Variants in TNRC6B observed in about 807,000 individuals in gnomAD.
TNRC6B encodes trinucleotide repeat-containing gene 6B protein.
A neutral mutation model predicts 203.6 loss-of-function variants in TNRC6B; 52 were observed. That is an observed-to-expected ratio of 0.26 (90% CI 0.20 to 0.32). The LOEUF (loss-of-function observed/expected upper bound fraction) is 0.32, where lower values mean the gene tolerates loss of function less well. Among genes scored for constraint, TNRC6B ranks in the 10% least tolerant of loss-of-function variants. TNRC6B has a pLI of 1.00. For synonymous variants in TNRC6B, 838 were observed against 845.7 expected (o/e 0.99, Z 0.16); for missense variants, 1,923 against 2,286.2 (o/e 0.84, Z 3.24).
intron 1 of TNRC6B, among the ~76,000 whole-genome samples, chr22:40,192,720 G>A (rs1382745309): frequency 2.0e-5 from 3 of 152,218 alleles, no homozygotes; most frequent in African/African-American, 7.2e-5. Flanking sequence ...GCCCCAGGCT[G>A]GGGGAAGGGA....
chr22:40,219,987 A>G (rs1015438073), intron 1 of TNRC6B, among the ~76,000 whole-genome samples: 1 of 152,158 alleles, frequency 6.6e-6, no homozygotes, highest in African/African-American at 2.4e-5. Context: ...TGGGGGAAAA[A>G]CGGGTTTTAT....
In TNRC6B at chr22:40,170,966, T is replaced by C. The variant is rs568399683; in HGVS notation, c.113+14784T>C. Among the ~76,000 whole-genome samples the C allele has an allele frequency of 1.2e-4, 17 of 147,174 alleles. No homozygotes were observed. In the East Asian group the frequency reaches 3.4e-3, roughly 29 times the overall value. ...ACATATAGGTGTATATATACACACA[T>C]ATACCTGTATATGTACATATATGTG... On this transcript the variant is annotated intron_variant, in intron 4 of 23. Transcript: ENST00000301923.
chr22:40,074,651 C>T (rs571237973), intron 1 of TNRC6B, among the ~76,000 whole-genome samples: 4 of 151,538 alleles, frequency 2.6e-5, no homozygotes, highest in East Asian at 1.9e-4. Context: ...TGGTGGTGGG[C>T]GCCTATAGTC....
At chr22:40,176,115 T>C (rs1448081179), upstream of TNRC6B, among the ~76,000 whole-genome samples, 2 of 150,892 alleles carry the variant, frequency 1.3e-5, no homozygotes, top group Admixed American at 1.3e-4. Context: ...CAGGGCATTC[T>C]CATGCACTTT....
intron 1 of TNRC6B, among the ~76,000 whole-genome samples, chr22:40,079,924 T>C (rs961912497): frequency 4.6e-5 from 7 of 152,086 alleles, no homozygotes; most frequent in Non-Finnish European, 8.8e-5. Context: ...GCCTCCTGAG[T>C]AGCTAGGACT....
intron 1 of TNRC6B, among the ~76,000 whole-genome samples, chr22:40,103,667 G>T (rs1298561215): frequency 6.6e-6 from 1 of 151,806 alleles, no homozygotes; most frequent in African/African-American, 2.4e-5. Context: ...TTTTGAGGTG[G>T]AGTCTCACTT....
chr22:40,260,473 A>G (rs550586797), intron 3 of TNRC6B, among the ~76,000 whole-genome samples: 7 of 152,310 alleles, frequency 4.6e-5, no homozygotes, highest in African/African-American at 1.7e-4. Context: ...ATAGAGAGAG[A>G]TGGGACTTGT....
At chr22:40,070,431 C>T (rs1239066454) in intron 1 of TNRC6B, among the ~76,000 whole-genome samples, 2 of 152,118 alleles carry the variant, frequency 1.3e-5, no homozygotes, top group Non-Finnish European at 2.9e-5. Flanking sequence ...AAGGGTGAAG[C>T]TCGTTGACAG....
At chr22:40,126,854 G>A (rs2068498430) in intron 3 of TNRC6B, among the ~76,000 whole-genome samples, 1 of 151,126 alleles carries the variant, frequency 6.6e-6, no homozygotes, top group Non-Finnish European at 1.5e-5. Context: ...GTCTTCCAAA[G>A]TACTGGGATT....
At chr22:40,213,589 G>A (rs2069593108) in intron 1 of TNRC6B, among the ~76,000 whole-genome samples, 1 of 152,292 alleles carries the variant, frequency 6.6e-6, no homozygotes. Flanking sequence ...ATGTATCAGA[G>A]GGTGGCAGAA....
intron 1 of TNRC6B, among the ~76,000 whole-genome samples, chr22:40,189,911 T>A (rs902742435): frequency 2.6e-5 from 4 of 152,024 alleles, no homozygotes; most frequent in Non-Finnish European, 4.4e-5. Context: ...GAAAAAAAAA[T>A]TTTAACAAAA....
At chr22:40,259,310 C>T (rs893654186) in intron 3 of TNRC6B, among the ~76,000 whole-genome samples, 5 of 152,150 alleles carry the variant, frequency 3.3e-5, no homozygotes, top group Non-Finnish European at 5.9e-5. Flanking sequence ...CTGCAACCCC[C>T]GCTTCCCAGG....
At chr22:40,056,955 A>ATAT (rs1186370171) in intron 1 of TNRC6B, among the ~76,000 whole-genome samples, 2 of 152,194 alleles carry the variant, frequency 1.3e-5, no homozygotes, top group Non-Finnish European at 2.9e-5. Flanking sequence ...CAGGTAGACT[A>ATAT]TATTCATTGG....
At chr22:40,142,803 G>A (rs750827782) in intron 3 of TNRC6B, among the ~76,000 whole-genome samples, 2 of 152,076 alleles carry the variant, frequency 1.3e-5, no homozygotes, top group African/African-American at 2.4e-5. Flanking sequence ...AAGACTTCAC[G>A]ATTAGAAAAA....
chr22:40,161,294 T>G (rs556537446), intron 4 of TNRC6B, among the ~76,000 whole-genome samples: 3 of 152,340 alleles, frequency 2.0e-5, no homozygotes, highest in Non-Finnish European at 4.4e-5. Flanking sequence ...GGCAGAGATC[T>G]AACTTAATTT....
intron 3 of TNRC6B, among the ~76,000 whole-genome samples, chr22:40,258,318 A>G (rs2070316659): frequency 6.6e-6 from 1 of 152,006 alleles, no homozygotes; most frequent in Non-Finnish European, 1.5e-5. Flanking sequence ...ATCGTCTAAC[A>G]TTCTGGACCA....
intron 15 of TNRC6B, among the ~76,000 whole-genome samples, chr22:40,302,632 CA>C (rs200078286): frequency 2.7e-3 from 187 of 70,460 alleles, no homozygotes; most frequent in Admixed American, 4.2e-3. Context: ...GACCCCATCT[CA>C]AAAAAAAAAA....
chr22:40,263,683 C>T (rs1432905480), intron 4 of TNRC6B, among the ~76,000 whole-genome samples: 1 of 152,098 alleles, frequency 6.6e-6, no homozygotes, highest in African/African-American at 2.4e-5. Context: ...TTTTTCCCAC[C>T]AAATATGGTA....
intron 3 of TNRC6B, among the ~76,000 whole-genome samples, chr22:40,254,962 C>T (rs549554784): frequency 1.3e-5 from 2 of 152,284 alleles, no homozygotes; most frequent in African/African-American, 4.8e-5. Context: ...TCCTGCACCA[C>T]ACTATGAAAA....
Sources: allele counts gnomAD v4.1 joint callset (sites outside exome capture counted in the v4.1 genomes callset), GRCh38; gene constraint gnomAD v4.1.1; transcripts MANE v1.5; gene names NCBI Gene and HGNC (gene_info 2026-07-23, HGNC 2026-07-21).